The following SMG6 variants were observed in gnomAD, a reference collection of about 807,000 sequenced individuals.
The protein encoded by SMG6 is SMG6 nonsense mediated mRNA decay factor.
A neutral mutation model predicts 142.2 loss-of-function variants in SMG6; 66 were observed. The ratio of observed to expected loss-of-function variants is 0.46; its 90% confidence interval spans 0.38 to 0.57. SMG6 has a LOEUF of 0.57. Ranked by LOEUF, SMG6 falls within the 20% of genes least tolerant of loss-of-function variation. The pLI is 0.00. For synonymous variants in SMG6, 779 were observed against 702.4 expected (o/e 1.11, Z -1.72); for missense variants, 1,793 against 1,832.0 (o/e 0.98, Z 0.39).
chr17:2,269,352 C>T (rs2074497247), intron 8 of SMG6, among the ~76,000 whole-genome samples: 1 of 151,474 alleles, frequency 6.6e-6, no homozygotes, highest in Non-Finnish European at 1.5e-5. Context: ...GATCGTGCCG[C>T]TGCACTCCAG....
chr17:2,210,285 TC>T lies in SMG6; in HGVS notation c.2870-21771del, dbSNP rs368560102. ...GAGGATGAACCGTTTTCTTTTCTTT[TC>T]TTTTTTTTTTTTTTTTAAGAGATGG... On this transcript the variant is annotated intron_variant, in intron 10 of 18. Coordinates refer to ENST00000263073, the MANE Select transcript of SMG6 (RefSeq NM_017575.5). Among the ~76,000 whole-genome samples the T allele has an allele frequency of 2.1e-4, 31 of 150,858 alleles. 1 individual carries two copies. Among genetic ancestry groups the T allele is most frequent in the African/African-American group, 7.6e-4 (31 of 40,844 alleles).
At chr17:2,194,655 G>A (rs183589984) in intron 10 of SMG6, among the ~76,000 whole-genome samples, 189 of 149,946 alleles carry the variant, frequency 1.3e-3, no homozygotes, top group Non-Finnish European at 1.8e-3. Flanking sequence ...TTCAAGACCA[G>A]CCTGAGCAAC....
chr17:2,207,995 G>A (rs1567683593), intron 10 of SMG6, among the ~76,000 whole-genome samples: 2 of 152,150 alleles, frequency 1.3e-5, no homozygotes, highest in Non-Finnish European at 2.9e-5. Context: ...CGGGTGCGGT[G>A]GCTCATGCCT....
At chr17:2,162,327 A>G (rs925445288) in intron 13 of SMG6, among the ~76,000 whole-genome samples, 1 of 151,922 alleles carries the variant, frequency 6.6e-6, no homozygotes, top group Non-Finnish European at 1.5e-5. Flanking sequence ...CCTGGCTAAC[A>G]TGGTGAAACC....
In SMG6 at chr17:2,300,053, C is replaced by CCGGG; in HGVS notation, c.699_700insCCCG (p.Ala234ProfsTer37). 1 of 1,614,198 alleles carries CCGGG rather than the reference C, an allele frequency of 6.2e-7. No homozygotes were observed. The highest frequency in any genetic ancestry group is 8.5e-7 in the Non-Finnish European group (1 of 1,180,020). On this transcript the variant is annotated frameshift_variant, in exon 2 of 19. Transcript: ENST00000263073. LOFTEE classifies it high-confidence loss of function. ...TTTGCGGAGCCCGGCCTCCCGCGGGCTGGGTCGTCGTGGGTTTCCCTCACC... is the reference window on the plus strand; with the variant it reads ...TTTGCGGAGCCCGGCCTCCCGCGGGCCGGGTGGGTCGTCGTGGGTTTCCCTCACC...
intron 13 of SMG6, among the ~76,000 whole-genome samples, chr17:2,170,581 T>C (rs1333708700): frequency 1.3e-5 from 2 of 152,182 alleles, no homozygotes; most frequent in Non-Finnish European, 2.9e-5. Context: ...ATACTACAAA[T>C]CCCCATTATT....
At chr17:2,083,678 G>T (rs1417602543) in intron 14 of SMG6, among the ~76,000 whole-genome samples, 1 of 152,248 alleles carries the variant, frequency 6.6e-6, no homozygotes. Flanking sequence ...AACCCAGACT[G>T]CAGTGAGCGG....
rs542287384 is a variant in SMG6, at chr17:2,213,421, G to A, written c.2869+23071C>T. ...TGATCCACCCGGCCTCTCAGCGCTA[G>A]GCCCTGATGCCGCAGCCAGCTTCAA... On this transcript the variant is annotated intron_variant, in intron 10 of 18. Coordinates refer to ENST00000263073, the MANE Select transcript of SMG6 (RefSeq NM_017575.5). Among the ~76,000 whole-genome samples the A allele has an allele frequency of 4.6e-5, 7 of 152,306 alleles. No individual in the cohort carries two copies. In the South Asian group the frequency reaches 1.4e-3, roughly 32 times the overall value.
intron 9 of SMG6, among the ~76,000 whole-genome samples, chr17:2,244,219 C>A (rs1364608925): frequency 6.6e-6 from 1 of 152,172 alleles, no homozygotes; most frequent in East Asian, 1.9e-4. Context: ...GGATATGGGT[C>A]AAAAGGATAT....
At chr17:2,105,271 C>T (rs2069124887) in intron 13 of SMG6, among the ~76,000 whole-genome samples, 1 of 150,336 alleles carries the variant, frequency 6.7e-6, no homozygotes, top group Non-Finnish European at 1.5e-5. Context: ...CTCAGCCGGG[C>T]GTGGTGGCTC....
chr17:2,220,124 T>A (rs1215169278), intron 10 of SMG6, among the ~76,000 whole-genome samples: 1 of 152,166 alleles, frequency 6.6e-6, no homozygotes, highest in Non-Finnish European at 1.5e-5. Context: ...GGTTTTGCCA[T>A]GTTACCCAGG....
Position 2,264,046 on chromosome 17 carries a change from G to A in SMG6, c.2661+18601C>T, listed in dbSNP as rs187893445. 2.3e-3 allele frequency among the ~76,000 whole-genome samples: 345 copies of A among 152,182 alleles called. 4 individuals are homozygous for A. Among genetic ancestry groups the A allele is most frequent in the South Asian group, 0.021 (100 of 4,824 alleles). ...TAGTGCAGTCTTACCCCACATAACA[G>A]GCAGTGTGTTACTATATAAAGTGAG... On this transcript the variant is annotated intron_variant, in intron 8 of 18. Coordinates refer to ENST00000263073, the MANE Select transcript of SMG6 (RefSeq NM_017575.5).
chr17:2,223,465 A>G (rs1478046395), intron 10 of SMG6, among the ~76,000 whole-genome samples: 1 of 152,220 alleles, frequency 6.6e-6, no homozygotes, highest in African/African-American at 2.4e-5. Context: ...TGAAAAGGAA[A>G]CTGAGACATA....
chr17:2,239,166 A>G (rs909647831), intron 9 of SMG6, among the ~76,000 whole-genome samples: 8 of 152,232 alleles, frequency 5.3e-5, no homozygotes, highest in Non-Finnish European at 1.0e-4. Context: ...GTACGTAAGT[A>G]TGTAGGTAGA....
chr17:2,136,373 G>A (rs2070303976), intron 13 of SMG6, among the ~76,000 whole-genome samples: 1 of 152,186 alleles, frequency 6.6e-6, no homozygotes, highest in Non-Finnish European at 1.5e-5. Flanking sequence ...TGTGGCTAGT[G>A]ACTGTTATCA....
At chr17:2,194,720 A>AAG (rs1555552045) in intron 10 of SMG6, among the ~76,000 whole-genome samples, 11 of 151,702 alleles carry the variant, frequency 7.3e-5, no homozygotes, top group African/African-American at 2.7e-4. Flanking sequence ...AACAAAAAAA[A>AAG]AAAGAAAGAA....
chr17:2,182,070 T>C (rs1266565321), intron 12 of SMG6, among the ~76,000 whole-genome samples: 1 of 152,136 alleles, frequency 6.6e-6, no homozygotes, highest in Admixed American at 6.5e-5. Flanking sequence ...CAAGGACAGA[T>C]GGTCTGCCTC....
chr17:2,227,198 A>G (rs1336019449), intron 10 of SMG6, among the ~76,000 whole-genome samples: 1 of 152,236 alleles, frequency 6.6e-6, no homozygotes, highest in Non-Finnish European at 1.5e-5. Flanking sequence ...TACACATGCC[A>G]TATGATCCGG....
rs187259596 is a variant in SMG6 at position 2,103,407 on chromosome 17, A to G, written c.3358-17506T>C. On this transcript the variant is annotated intron_variant, in intron 13 of 18. Transcript: ENST00000263073. ...GTTACTCTCATATGATAAGCCACTC[A>G]GGAAGACTTGGAGGGTTTTATGGAA... 1.4e-4 allele frequency among the ~76,000 whole-genome samples: 22 copies of G among 152,348 alleles called. No individual in the cohort carries two copies. The East Asian group carries it at 2.5e-3, about 17-fold the overall frequency.
Sources: gnomAD v4.1 joint callset for allele counts (sites outside exome capture counted in the v4.1 genomes callset) on GRCh38, gnomAD v4.1.1 for gene constraint, MANE v1.5 for transcripts, NCBI Gene and HGNC (gene_info 2026-07-23, HGNC 2026-07-21) for gene names.